Variants in ANK2 observed in about 807,000 individuals in gnomAD.
The protein encoded by ANK2 is ankyrin 2.
In ANK2, 83 loss-of-function variants were observed where a neutral mutation model predicts 360.5. The observed-to-expected ratio is 0.23, with a 90% CI of 0.19 to 0.28. The LOEUF is 0.28. ANK2 is among the 10% of genes least tolerant of loss of function. The probability of loss-of-function intolerance (pLI) is 1.00; values close to 1 mark genes in which losing one functional copy is unlikely to be tolerated. For missense variants in ANK2, 4,201 were observed against 4,795.7 expected (o/e 0.88, Z 3.66); for synonymous variants, 1,740 against 1,759.5 (o/e 0.99, Z 0.28).
chr4:112,713,883 A>G, the ANK2 span, among the ~76,000 whole-genome samples: 1 of 151,096 alleles, frequency 6.6e-6, no homozygotes, highest in African/African-American at 2.4e-5. Flanking sequence ...GCAGTGAGCC[A>G]AGATCTCGCC....
At chr4:113,013,149 C>T (rs2055345925) in intron 2 of ANK2, among the ~76,000 whole-genome samples, 1 of 152,110 alleles carries the variant, frequency 6.6e-6, no homozygotes, top group Non-Finnish European at 1.5e-5. Flanking sequence ...GAATCCCATA[C>T]TTTGGAAAGG....
the ANK2 span, among the ~76,000 whole-genome samples, chr4:112,728,003 A>G: frequency 3.3e-5 from 5 of 151,578 alleles, no homozygotes; most frequent in East Asian, 9.7e-4. Context: ...GAAAAAAAAT[A>G]CAAAGAATTG....
intron 2 of ANK2, among the ~76,000 whole-genome samples, chr4:112,926,991 G>A (rs2092637274): frequency 6.6e-6 from 1 of 152,128 alleles, no homozygotes; most frequent in Admixed American, 6.5e-5. Flanking sequence ...GCAAACACAT[G>A]GCAGCAGGAA....
In ANK2 at chr4:113,356,381, T is replaced by G. The variant is rs753759800; in HGVS notation, c.7763T>G (p.Met2588Arg). The G allele has an allele frequency of 1.2e-6, 2 of 1,614,000 alleles. No individual in the cohort carries two copies. The highest frequency in any genetic ancestry group is 2.7e-5 in the African/African-American group (2 of 74,912). Residue 2588 changes from methionine to arginine, a missense_variant, in exon 38 of 46, where the codon ATG becomes AGG. By Grantham distance (91) the Met-to-Arg change is moderately conservative. This residue lies in a region of ANK2 where 2,642 missense variants were observed against 2,714.5 expected (regional missense o/e 0.97). Transcript: ENST00000357077. ...AAGAGGTTCACACCTGAAGAGGAGATGTTTAAAATGGTAACCAAAATCAAA... is the reference window on the plus strand; with the variant it reads ...AAGAGGTTCACACCTGAAGAGGAGAGGTTTAAAATGGTAACCAAAATCAAA... Reference protein sequence around the residue: ...EKKRFTPEEEMFKMVTKIKMF... With the variant: ...EKKRFTPEEERFKMVTKIKMF...
In ANK2 at chr4:113,305,350, A is replaced by AAAAG. The variant is rs1428619642; in HGVS notation, c.2548+2514_2548+2515insGAAA. The stretch of plus-strand genomic sequence containing the variant: ...GCGAGACTCCGTCTCAAAAAAAAAA[A>AAAAG]AAAAAAAAATAGCCTCTCAGATCTG... On this transcript the variant is annotated intron_variant, in intron 23 of 45. Coordinates refer to ENST00000357077, the MANE Select transcript of ANK2 (RefSeq NM_001148.6). Among the ~76,000 whole-genome samples, 44 of 151,454 alleles carry AAAAG rather than the reference A, an allele frequency of 2.9e-4. 1 individual carries two copies. The highest frequency in any genetic ancestry group is 2.0e-3 in the Admixed American group (31 of 15,202).
intron 1 of ANK2, among the ~76,000 whole-genome samples, chr4:113,096,857 G>A (rs1294836326): frequency 1.3e-5 from 2 of 151,862 alleles, no homozygotes; most frequent in Non-Finnish European, 2.9e-5. Context: ...GTCTCTGGAA[G>A]ACTCATTCTA....
At chr4:113,369,924 T>A in intron 43 of ANK2, 119 bp downstream of exon 43, 1 of 1,250,026 alleles carries the variant, frequency 8.0e-7, no homozygotes, top group Non-Finnish European at 1.1e-6. Flanking sequence ...CCAAATTAAT[T>A]AACCTGGCAC....
intron 1 of ANK2, among the ~76,000 whole-genome samples, chr4:113,125,273 AAAT>A (rs1289633327): frequency 1.3e-5 from 2 of 152,178 alleles, no homozygotes; most frequent in African/African-American, 2.4e-5. Flanking sequence ...TTTCATAAAT[AAAT>A]AATGTTAACC....
Position 113,277,953 on chromosome 4 carries a change from G to T in ANK2, c.1782+18G>T, listed in dbSNP as rs974888693. On this transcript the variant is annotated intron_variant, in intron 16 of 45. Transcript: ENST00000357077. ...CAGGGAAGGTAAAGATTTTCTATACGTTATAATTATGTAACAGTGAAGGTG... is the reference window on the plus strand; with the variant it reads ...CAGGGAAGGTAAAGATTTTCTATACTTTATAATTATGTAACAGTGAAGGTG... 2 of 1,596,380 alleles carry T rather than the reference G, an allele frequency of 1.3e-6. No individual in the cohort carries two copies. Among genetic ancestry groups the T allele is most frequent in the Non-Finnish European group, 8.6e-7 (1 of 1,164,470 alleles).
chr4:113,236,157 C>T (rs1286958507), intron 5 of ANK2, among the ~76,000 whole-genome samples: 1 of 151,370 alleles, frequency 6.6e-6, no homozygotes, highest in Non-Finnish European at 1.5e-5. Context: ...TTTTCTTTCA[C>T]GTAAGTAGAG....
chr4:112,937,267 G>T (rs531157948), intron 2 of ANK2, among the ~76,000 whole-genome samples: 4 of 151,944 alleles, frequency 2.6e-5, no homozygotes, highest in African/African-American at 9.7e-5. Flanking sequence ...ATATGGAAGC[G>T]GCTATAAAAG....
intron 1 of ANK2, chr4:112,827,521 A>G: frequency 8.3e-7 from 1 of 1,208,934 alleles, no homozygotes; most frequent in Middle Eastern, 1.9e-4. Context: ...AATCACAAGA[A>G]TCTGCCTCAG....
chr4:113,339,873 T>C (rs565073099), intron 32 of ANK2, among the ~76,000 whole-genome samples: 1 of 152,252 alleles, frequency 6.6e-6, no homozygotes, highest in Non-Finnish European at 1.5e-5. Context: ...TGCTAAGCAT[T>C]GTTACCTCTC....
At chr4:113,337,931 C>T (rs1370970269) in intron 31 of ANK2, among the ~76,000 whole-genome samples, 1 of 152,064 alleles carries the variant, frequency 6.6e-6, no homozygotes, top group African/African-American at 2.4e-5. Flanking sequence ...TACGCTCTGC[C>T]CTTATAGTGA....
rs1477059144 is a variant in ANK2 at position 113,319,385 on chromosome 4, T to C, written c.2900+765T>C. 5.3e-5 allele frequency among the ~76,000 whole-genome samples: 8 copies of C among 151,390 alleles called. No individual in the cohort carries two copies. The South Asian group carries it at 1.7e-3, about 31-fold the overall frequency. On this transcript the variant is annotated intron_variant, in intron 26 of 45. Transcript: ENST00000357077. ...AGTAGTTTGCAATAATATAGTAATA[T>C]CATAATTATATATAAAATTTCTATT...
rs1482237286 is a variant in ANK2 at position 112,982,383 on chromosome 4, T to A, written c.21+77869T>A. Among the ~76,000 whole-genome samples the A allele has an allele frequency of 2.0e-5, 3 of 152,326 alleles. No individual in the cohort carries two copies. The East Asian group carries it at 5.8e-4, about 29-fold the overall frequency. Reference sequence around the variant, plus strand: ...AAGTAATCAAAAAGGCGGAGTAATGTAATCTGTATGAAGAATATGAATTTA... The same window carrying A: ...AAGTAATCAAAAAGGCGGAGTAATGAAATCTGTATGAAGAATATGAATTTA... On this transcript the variant is annotated intron_variant, in intron 2 of 30. Coordinates refer to the ANK2 transcript ENST00000503271.
chr4:113,297,562 A>C (rs2072438521), intron 22 of ANK2, among the ~76,000 whole-genome samples: 1 of 152,150 alleles, frequency 6.6e-6, no homozygotes, highest in Non-Finnish European at 1.5e-5. Flanking sequence ...ACAATTTAAA[A>C]ATTTTAAAAA....
At chr4:113,021,637 G>A (rs1221185056) in intron 2 of ANK2, among the ~76,000 whole-genome samples, 1 of 147,244 alleles carries the variant, frequency 6.8e-6, no homozygotes, top group Non-Finnish European at 1.5e-5. Flanking sequence ...TCTTTATAAG[G>A]AGATAACTTT....
chr4:113,189,768 T>C (rs933707190), intron 2 of ANK2, among the ~76,000 whole-genome samples: 2 of 152,158 alleles, frequency 1.3e-5, no homozygotes, highest in African/African-American at 4.8e-5. Flanking sequence ...TGGAGGCATC[T>C]CCACTTCTGG....
Sources: allele counts gnomAD v4.1 joint callset (sites outside exome capture counted in the v4.1 genomes callset), GRCh38; gene constraint gnomAD v4.1.1; regional missense constraint gnomAD v4.1.1; transcripts MANE v1.5; gene names NCBI Gene and HGNC (gene_info 2026-07-23, HGNC 2026-07-21).